Variants in ACER3 observed in about 807,000 individuals in gnomAD.
ACER3 encodes the protein alkaline ceramidase 3.
In ACER3, 16 loss-of-function variants were observed where a neutral mutation model predicts 48.9. The ratio of observed to expected loss-of-function variants is 0.33; its 90% CI spans 0.22 to 0.50. The LOEUF (loss-of-function observed/expected upper bound fraction) is 0.50, where lower values mean the gene tolerates loss of function less well. ACER3 is among the 20% of genes least tolerant of loss of function. ACER3 has a pLI of 0.98. For missense variants in ACER3, 227 were observed against 326.0 expected (o/e 0.70, Z 2.34); for synonymous variants, 109 against 107.8 (o/e 1.01, Z -0.07).
intron 2 of ACER3, among the ~76,000 whole-genome samples, chr11:76,931,465 G>A (rs7946131): frequency 6.8e-4 from 103 of 151,996 alleles, no homozygotes; most frequent in Non-Finnish European, 1.0e-3. Context: ...GCCCATTTAC[G>A]TTTAAGGTTA....
intron 2 of ACER3, among the ~76,000 whole-genome samples, chr11:76,930,441 A>C (rs1946964443): frequency 1.3e-5 from 2 of 152,140 alleles, no homozygotes; most frequent in Non-Finnish European, 2.9e-5. Flanking sequence ...GATTTTTTGA[A>C]GGGTTTTTTG....
At chr11:76,993,058 GT>G (rs1390395305) in intron 6 of ACER3, among the ~76,000 whole-genome samples, 1 of 151,998 alleles carries the variant, frequency 6.6e-6, no homozygotes, top group Non-Finnish European at 1.5e-5. Flanking sequence ...GTAGAGATGG[GT>G]TTTACCGTGT....
At chr11:77,005,655 T>G (rs1360114313) in intron 7 of ACER3, among the ~76,000 whole-genome samples, 1 of 151,982 alleles carries the variant, frequency 6.6e-6, no homozygotes, top group African/African-American at 2.4e-5. Flanking sequence ...CCTTGACTTA[T>G]AGCTGCATCA....
intron 1 of ACER3, among the ~76,000 whole-genome samples, chr11:76,870,091 G>A (rs904027841): frequency 6.6e-6 from 1 of 151,742 alleles, no homozygotes; most frequent in East Asian, 1.9e-4. Context: ...CAACCTCCTG[G>A]GCTCAAGTGA....
At chr11:76,877,657 G>T (rs1329446892) in intron 1 of ACER3, among the ~76,000 whole-genome samples, 1 of 151,970 alleles carries the variant, frequency 6.6e-6, no homozygotes, top group Non-Finnish European at 1.5e-5. Context: ...CAACCTAAAG[G>T]TTGACAAATG....
chr11:76,888,922 T>G (rs1476041162), intron 1 of ACER3, among the ~76,000 whole-genome samples: 1 of 152,238 alleles, frequency 6.6e-6, no homozygotes, highest in Non-Finnish European at 1.5e-5. Flanking sequence ...ATATCTGTGT[T>G]TCACATACCT....
At chr11:76,940,204 C>G (rs7110849) in intron 2 of ACER3, among the ~76,000 whole-genome samples, 103,121 of 151,700 alleles carry the variant, frequency 0.68, 35,438 homozygotes, top group Non-Finnish European at 0.74. Context: ...GGTTGGCCTT[C>G]AACTCCTGGC....
chr11:77,006,766 A>G (rs2135292741), intron 7 of ACER3, among the ~76,000 whole-genome samples: 1 of 152,032 alleles, frequency 6.6e-6, no homozygotes, highest in African/African-American at 2.4e-5. Flanking sequence ...AGATTTTCCT[A>G]AGTCTTTAGT....
intron 5 of ACER3, among the ~76,000 whole-genome samples, chr11:76,990,100 G>A (rs777363331): frequency 2.6e-5 from 4 of 152,170 alleles, no homozygotes; most frequent in Non-Finnish European, 5.9e-5. Flanking sequence ...GGAAGGATGC[G>A]TCTTCTAGTT....
intron 1 of ACER3, among the ~76,000 whole-genome samples, chr11:76,908,272 T>C (rs1946284659): frequency 6.6e-6 from 1 of 152,220 alleles, no homozygotes; most frequent in Admixed American, 6.5e-5. Context: ...TATGATTGTA[T>C]ATTTAGAAAT....
intron 4 of ACER3, among the ~76,000 whole-genome samples, chr11:76,980,866 TTA>T (rs1948569780): frequency 6.6e-6 from 1 of 152,184 alleles, no homozygotes; most frequent in South Asian, 2.1e-4. Flanking sequence ...CCCATGAAGA[TTA>T]AAATAAATGA....
At chr11:76,976,643 C>G (rs904353408) in intron 4 of ACER3, among the ~76,000 whole-genome samples, 1 of 152,022 alleles carries the variant, frequency 6.6e-6, no homozygotes, top group Non-Finnish European at 1.5e-5. Context: ...TCATATTGTG[C>G]CATAAAAGTT....
chr11:76,975,333 A>G (rs573575192), intron 3 of ACER3, among the ~76,000 whole-genome samples: 1 of 152,330 alleles, frequency 6.6e-6, no homozygotes, highest in East Asian at 1.9e-4. Context: ...ATGTGTATCT[A>G]GTAATAAATA....
intron 1 of ACER3, among the ~76,000 whole-genome samples, chr11:76,913,535 A>G (rs1208899593): frequency 1.7e-5 from 2 of 120,360 alleles, no homozygotes; most frequent in East Asian, 4.2e-4. Flanking sequence ...TTATTTTGAG[A>G]TACGTCCCAT....
intron 5 of ACER3, among the ~76,000 whole-genome samples, chr11:76,988,216 A>T (rs1329075375): frequency 6.6e-6 from 1 of 152,212 alleles, no homozygotes; most frequent in Non-Finnish European, 1.5e-5. Context: ...TAGTGAATTG[A>T]TGGAGGCAAA....
At chr11:77,010,690 A>G (rs915322040) in intron 7 of ACER3, among the ~76,000 whole-genome samples, 4 of 152,176 alleles carry the variant, frequency 2.6e-5, no homozygotes, top group African/African-American at 9.7e-5. Context: ...TTCTAGACCT[A>G]TGCCAGTTTC....
intron 2 of ACER3, among the ~76,000 whole-genome samples, chr11:76,950,352 CATATATATATAT>C (rs774580764): frequency 6.9e-3 from 247 of 35,846 alleles, no homozygotes; most frequent in Admixed American, 0.019. Context: ...GTGACATGAT[CATATATATATAT>C]ATATATATAT....
intron 1 of ACER3, among the ~76,000 whole-genome samples, chr11:76,887,811 C>CTTTTTTTTT (rs67954212): frequency 1.1e-5 from 1 of 87,188 alleles, no homozygotes; most frequent in Non-Finnish European, 2.3e-5. Context: ...CTATAGGTAA[C>CTTTTTTTTT]TTTTTTTTTT....
chr11:77,024,158 A>T lies in ACER3; in HGVS notation c.*3831A>T, dbSNP rs1385753805. On this transcript the variant is annotated 3_prime_UTR_variant, in exon 11 of 11. Coordinates refer to ENST00000532485, the MANE Select transcript of ACER3 (RefSeq NM_018367.7). ...CTTTATGGAAGGAGCTGCAAAATGAAAAAAAAAAAAAAAAGGAATCATGTC... is the reference window on the plus strand; with the variant it reads ...CTTTATGGAAGGAGCTGCAAAATGATAAAAAAAAAAAAAAGGAATCATGTC... 8 of 136,680 alleles carry T rather than the reference A, an allele frequency of 5.9e-5. No individual in the cohort carries two copies. Among genetic ancestry groups the T allele is most frequent in the African/African-American group, 2.3e-4 (8 of 35,240 alleles). The allele number at this position is 136,680 out of a possible 1,614,324, so 8.5% of individuals were successfully genotyped here.
Sources: gnomAD v4.1 joint callset for allele counts (sites outside exome capture counted in the v4.1 genomes callset) on GRCh38, gnomAD v4.1.1 for gene constraint, MANE v1.5 for transcripts, NCBI Gene and HGNC (gene_info 2026-07-23, HGNC 2026-07-21) for gene names.